Variants in CTNNA3 observed in about 807,000 individuals in gnomAD.
CTNNA3 encodes the protein catenin alpha-3.
In CTNNA3, 76 loss-of-function variants were observed where a neutral mutation model predicts 95.7. The ratio of observed to expected loss-of-function variants is 0.79; its 90% CI spans 0.66 to 0.96. The LOEUF is 0.96. Among genes scored for constraint, CTNNA3 ranks in the 40% least tolerant of loss-of-function variants. CTNNA3 has a pLI of 0.00. For synonymous variants in CTNNA3, 431 were observed against 374.4 expected (o/e 1.15, Z -1.74); for missense variants, 1,191 against 1,089.8 (o/e 1.09, Z -1.31).
chr10:66,570,891 C>T (rs1324356938), intron 10 of CTNNA3, among the ~76,000 whole-genome samples: 2 of 151,988 alleles, frequency 1.3e-5, no homozygotes, highest in Non-Finnish European at 2.9e-5. Flanking sequence ...TTTTTAATTT[C>T]CTAAGATGAA....
chr10:67,468,191 C>G (rs1406636874), intron 5 of CTNNA3, among the ~76,000 whole-genome samples: 1 of 151,996 alleles, frequency 6.6e-6, no homozygotes, highest in African/African-American at 2.4e-5. Context: ...CACCTGCCAT[C>G]TTCTGATAGG....
At chr10:65,977,195 AT>A (rs72290102) in intron 16 of CTNNA3, among the ~76,000 whole-genome samples, 16,336 of 151,576 alleles carry the variant, frequency 0.11, 1,105 homozygotes, top group East Asian at 0.19. Flanking sequence ...TTAATGCATG[AT>A]TTTTTTTTAA....
At chr10:66,506,959 C>G (rs1840469702) in intron 11 of CTNNA3, among the ~76,000 whole-genome samples, 1 of 152,038 alleles carries the variant, frequency 6.6e-6, no homozygotes, top group South Asian at 2.1e-4. Context: ...ATCCCAACTC[C>G]TATTAAATAA....
intron 11 of CTNNA3, among the ~76,000 whole-genome samples, chr10:66,464,116 G>A (rs1006503386): frequency 3.3e-5 from 5 of 151,934 alleles, no homozygotes; most frequent in East Asian, 1.9e-4. Flanking sequence ...AAGTATGTTC[G>A]TTAGGCAAAA....
At chr10:66,314,959 A>G (rs2092078913) in intron 12 of CTNNA3, among the ~76,000 whole-genome samples, 1 of 152,102 alleles carries the variant, frequency 6.6e-6, no homozygotes, top group Admixed American at 6.5e-5. Context: ...AGTTCTTAGA[A>G]AGAAACTTAC....
At chr10:67,124,453 CA>C (rs939846007) in intron 7 of CTNNA3, among the ~76,000 whole-genome samples, 2 of 150,098 alleles carry the variant, frequency 1.3e-5, no homozygotes, top group African/African-American at 2.5e-5. Flanking sequence ...GAAAATATTA[CA>C]AAAAATCAAT....
intron 11 of CTNNA3, among the ~76,000 whole-genome samples, chr10:66,499,502 A>G: frequency 6.6e-6 from 1 of 151,346 alleles, no homozygotes; most frequent in Non-Finnish European, 1.5e-5. Context: ...AGGAAAAACA[A>G]TTTTTTTTTG....
chr10:66,058,029 C>T lies in CTNNA3; in HGVS notation c.2159+11279G>A, dbSNP rs1388661647. Among the ~76,000 whole-genome samples, 4 of 152,042 alleles carry T rather than the reference C, an allele frequency of 2.6e-5. No individual in the cohort carries two copies. The East Asian group carries it at 5.8e-4, about 22-fold the overall frequency. On this transcript the variant is annotated intron_variant, in intron 15 of 17. Transcript: ENST00000433211. ...TAAATGGGGAAAACATAAAACTTACCAATATTTCTAATTCCCTTTGCTGTG... is the reference window on the plus strand; with the variant it reads ...TAAATGGGGAAAACATAAAACTTACTAATATTTCTAATTCCCTTTGCTGTG...
intron 7 of CTNNA3, among the ~76,000 whole-genome samples, chr10:66,811,129 C>T (rs1841858500): frequency 6.6e-6 from 1 of 152,182 alleles, no homozygotes; most frequent in East Asian, 1.9e-4. Context: ...AGCACTAGTC[C>T]ATGTAGTATA....
chr10:66,934,854 G>T (rs568869913), intron 7 of CTNNA3, among the ~76,000 whole-genome samples: 3 of 152,024 alleles, frequency 2.0e-5, no homozygotes, highest in Non-Finnish European at 4.4e-5. Flanking sequence ...ATCTATGCAG[G>T]GTGGAAAATA....
intron 7 of CTNNA3, among the ~76,000 whole-genome samples, chr10:66,912,483 TG>T (rs1846264391): frequency 6.6e-6 from 1 of 152,142 alleles, no homozygotes; most frequent in Non-Finnish European, 1.5e-5. Flanking sequence ...GAAGAAACAT[TG>T]GGCTCAGGAA....
At chr10:66,989,786 T>C (rs1361696886) in intron 7 of CTNNA3, among the ~76,000 whole-genome samples, 1 of 152,164 alleles carries the variant, frequency 6.6e-6, no homozygotes, top group African/African-American at 2.4e-5. Flanking sequence ...CATACTTGGC[T>C]GCTGGTCTGA....
chr10:67,343,509 T>C (rs1448024169), intron 5 of CTNNA3, among the ~76,000 whole-genome samples: 1 of 152,172 alleles, frequency 6.6e-6, no homozygotes, highest in East Asian at 1.9e-4. Flanking sequence ...TTAATTTTAT[T>C]TGTGGCTATT....
At chr10:66,736,356 T>A (rs1329292704) in intron 9 of CTNNA3, among the ~76,000 whole-genome samples, 1 of 151,738 alleles carries the variant, frequency 6.6e-6, no homozygotes, top group Non-Finnish European at 1.5e-5. Context: ...CGGCTAATTT[T>A]TTTTTTTTTT....
chr10:67,024,539 C>T (rs1473077742), intron 7 of CTNNA3, among the ~76,000 whole-genome samples: 3 of 152,130 alleles, frequency 2.0e-5, no homozygotes, highest in South Asian at 2.1e-4. Flanking sequence ...CATAAGACCA[C>T]GTTAATATAT....
At chr10:67,682,810 C>A (rs1421022569) in intron 1 of CTNNA3, among the ~76,000 whole-genome samples, 3 of 152,128 alleles carry the variant, frequency 2.0e-5, no homozygotes, top group Non-Finnish European at 2.9e-5. Flanking sequence ...GACAAACAAA[C>A]AACAAATACT....
chr10:66,909,542 TC>T (rs1846135393), intron 7 of CTNNA3, among the ~76,000 whole-genome samples: 2 of 151,478 alleles, frequency 1.3e-5, no homozygotes, highest in African/African-American at 4.9e-5. Context: ...AATAAATAAA[TC>T]ACTACCTTCG....
At chr10:67,049,891 G>A (rs1160833209) in intron 7 of CTNNA3, among the ~76,000 whole-genome samples, 1 of 152,110 alleles carries the variant, frequency 6.6e-6, no homozygotes, top group East Asian at 1.9e-4. Context: ...GTTATTCTAA[G>A]CATTAGTCTT....
intron 12 of CTNNA3, among the ~76,000 whole-genome samples, chr10:66,341,408 C>T (rs1002637740): frequency 6.6e-6 from 1 of 151,882 alleles, no homozygotes; most frequent in African/African-American, 2.4e-5. Context: ...TGACTAAGCT[C>T]ATTTCAAATT....
Sources: allele counts gnomAD v4.1 joint callset (sites outside exome capture counted in the v4.1 genomes callset), GRCh38; gene constraint gnomAD v4.1.1; transcripts MANE v1.5; gene names NCBI Gene and HGNC (gene_info 2026-07-23, HGNC 2026-07-21).